The following DOCK10 variants were observed in gnomAD, a reference collection of about 807,000 sequenced individuals.
DOCK10 encodes dedicator of cytokinesis protein 10.
Under a neutral mutation model 280.1 loss-of-function variants are expected in DOCK10, and 145 were observed. That is an observed-to-expected ratio of 0.52 (90% CI 0.45 to 0.59). The LOEUF (loss-of-function observed/expected upper bound fraction) is 0.59. Ranked by LOEUF, DOCK10 falls within the 20% of genes least tolerant of loss-of-function variation. DOCK10 has a pLI of 0.00. For synonymous variants in DOCK10, 915 were observed against 942.2 expected, an observed-to-expected ratio of 0.97 and a Z score of 0.53; for missense variants, 2,368 against 2,651.7, an observed-to-expected ratio of 0.89 and a Z score of 2.35.
intron 48 of DOCK10, among the ~76,000 whole-genome samples, chr2:224,788,001 T>A (rs1691854500): frequency 6.6e-6 from 1 of 152,146 alleles, no homozygotes; most frequent in Non-Finnish European, 1.5e-5. Context: ...GAACCTTATT[T>A]CACACCTTCA....
chr2:224,961,009 A>G (rs1440560262), intron 1 of DOCK10, among the ~76,000 whole-genome samples: 1 of 152,156 alleles, frequency 6.6e-6, no homozygotes, highest in Non-Finnish European at 1.5e-5. Flanking sequence ...AAGTGCTGGG[A>G]TTACAGGCGT....
chr2:224,862,770 A>G (rs1385843617), intron 13 of DOCK10, 24 bp from the exon 14 acceptor site: 8 of 1,411,288 alleles, frequency 5.7e-6, no homozygotes, highest in Non-Finnish European at 7.9e-6. Flanking sequence ...AAATACAAAT[A>G]TTGTTTAGAA....
At chr2:224,854,224 T>C (rs1696951260) in intron 16 of DOCK10, among the ~76,000 whole-genome samples, 1 of 151,734 alleles carries the variant, frequency 6.6e-6, no homozygotes, top group African/African-American at 2.4e-5. Flanking sequence ...CTTTATTCTT[T>C]TTTTTTTTTC....
In DOCK10 at chr2:225,035,883, T is replaced by C. The variant is rs1485128570; in HGVS notation, c.123+6369A>G. Among the ~76,000 whole-genome samples, 28 of 151,370 alleles carry C rather than the reference T, an allele frequency of 1.8e-4. No homozygotes were observed. The Admixed American group carries it at 1.9e-3, about 10-fold the overall frequency. On this transcript the variant is annotated intron_variant, in intron 1 of 55. Coordinates refer to ENST00000258390, the MANE Select transcript of DOCK10 (RefSeq NM_014689.3). ...GAGAGAGGGTGATCTCTCTCTCTCT[T>C]CTTCTTCTTTTAAAGCCACTAATCT...
intron 30 of DOCK10, among the ~76,000 whole-genome samples, chr2:224,815,955 C>T (rs1187968226): frequency 6.6e-6 from 1 of 151,936 alleles, no homozygotes; most frequent in Admixed American, 6.6e-5. Context: ...ATCCCTCAAA[C>T]CTGGGAGGCA....
At chr2:224,787,455 GA>G in intron 48 of DOCK10, 58 bp from the exon 49 acceptor site, 1 of 1,596,890 alleles carries the variant, frequency 6.3e-7, no homozygotes, top group Admixed American at 1.8e-5. Flanking sequence ...GCTCATGCCT[GA>G]AACTTGGTTT....
chr2:224,964,590 G>A (rs1421538331), intron 1 of DOCK10, among the ~76,000 whole-genome samples: 5 of 151,716 alleles, frequency 3.3e-5, no homozygotes, highest in African/African-American at 7.3e-5. Context: ...CTGCAGCCTC[G>A]AACTCCTGGG....
chr2:224,954,645 A>G (rs941303895), intron 1 of DOCK10, among the ~76,000 whole-genome samples: 1 of 152,212 alleles, frequency 6.6e-6, no homozygotes, highest in South Asian at 2.1e-4. Flanking sequence ...GGGCATAACA[A>G]TAATGACAAT....
chr2:224,972,306 A>C (rs1705137841), intron 1 of DOCK10, among the ~76,000 whole-genome samples: 1 of 152,246 alleles, frequency 6.6e-6, no homozygotes, highest in African/African-American at 2.4e-5. Context: ...GTATGAAAGC[A>C]AAGAAGGCCC....
At chr2:224,863,312 C>A (rs960281979) in intron 13 of DOCK10, among the ~76,000 whole-genome samples, 1 of 152,150 alleles carries the variant, frequency 6.6e-6, no homozygotes, top group Non-Finnish European at 1.5e-5. Flanking sequence ...CATAGTTTGC[C>A]AAACACTGAA....
intron 1 of DOCK10, among the ~76,000 whole-genome samples, chr2:224,973,932 G>C (rs1200043028): frequency 2.0e-5 from 3 of 152,140 alleles, no homozygotes; most frequent in Non-Finnish European, 4.4e-5. Context: ...GGGTACAGAG[G>C]TTTTTCTGTT....
intron 47 of DOCK10, 72 bp from the exon 48 acceptor site, chr2:224,789,242 T>C: frequency 1.2e-6 from 1 of 866,036 alleles, no homozygotes. Context: ...AATGCCTTTC[T>C]TCATGATGTT....
At chr2:224,798,760 T>C (rs1232137011) in intron 41 of DOCK10, among the ~76,000 whole-genome samples, 1 of 151,820 alleles carries the variant, frequency 6.6e-6, no homozygotes, top group Admixed American at 6.6e-5. Context: ...GCCTTCCGAA[T>C]AGCTGGGACT....
At chr2:225,036,185 C>A (rs1206708502) in intron 1 of DOCK10, among the ~76,000 whole-genome samples, 1 of 152,056 alleles carries the variant, frequency 6.6e-6, no homozygotes, top group Non-Finnish European at 1.5e-5. Context: ...ATTTAGATAG[C>A]AATTATTTAA....
Position 224,786,892 on chromosome 2 carries a change from C to T in DOCK10, c.5655+130G>A. On this transcript the variant is annotated intron_variant, in intron 50 of 55. Coordinates refer to ENST00000258390, the MANE Select transcript of DOCK10 (RefSeq NM_014689.3). The surrounding 1 kb of genome is among the most constrained non-coding windows in gnomAD (Gnocchi z 4.7). Reference sequence around the variant, plus strand: ...ATATAGACCATCACATCCAGAGAAACACTCAAGTATAGTCAGACACACCCA... The same window carrying T: ...ATATAGACCATCACATCCAGAGAAATACTCAAGTATAGTCAGACACACCCA... 1.4e-6 allele frequency: 1 copy of T among 697,658 alleles called. No individual in the cohort carries two copies. 43.2% of individuals were successfully genotyped at this position (697,658 alleles called of 1,614,324 possible).
intron 22 of DOCK10, among the ~76,000 whole-genome samples, chr2:224,844,161 G>A (rs1045745267): frequency 2.5e-4 from 38 of 152,024 alleles, no homozygotes; most frequent in African/African-American, 8.7e-4. Context: ...ATGCAGTTTC[G>A]CTTTTGTTGC....
At chr2:224,978,995 G>T (rs1362471695) in intron 1 of DOCK10, among the ~76,000 whole-genome samples, 3 of 152,130 alleles carry the variant, frequency 2.0e-5, no homozygotes, top group Non-Finnish European at 4.4e-5. Context: ...AAACTCTATT[G>T]GTTCTACTTT....
chr2:224,827,928 G>T (rs1422275669), intron 27 of DOCK10, among the ~76,000 whole-genome samples: 1 of 152,204 alleles, frequency 6.6e-6, no homozygotes, highest in Non-Finnish European at 1.5e-5. Flanking sequence ...CTGGATGGAT[G>T]ACTCTGAGGA....
In DOCK10 at chr2:224,993,104, C is replaced by T. The variant is rs138558638; in HGVS notation, c.123+49148G>A. Among the ~76,000 whole-genome samples, 8 of 152,102 alleles carry T rather than the reference C, an allele frequency of 5.3e-5. 2 individuals are homozygous for T. The highest frequency in any genetic ancestry group is 1.7e-4 in the African/African-American group (7 of 41,484). ...GAAGGAGGTCCTACCAAGCCCAGAA[C>T]AGTCACCCCAGTTAGCTCTAATATG... On this transcript the variant is annotated intron_variant, in intron 1 of 55. Transcript: ENST00000258390.
Sources: gnomAD v4.1 joint callset for allele counts (sites outside exome capture counted in the v4.1 genomes callset) on GRCh38, gnomAD v4.1.1 for gene constraint, Gnocchi (gnomAD v3.1) non-coding constraint, MANE v1.5 for transcripts, NCBI Gene and HGNC (gene_info 2026-07-23, HGNC 2026-07-21) for gene names.